Variants in NFIC observed in about 807,000 individuals in gnomAD.
NFIC encodes nuclear factor I C.
Under a neutral mutation model 54.4 loss-of-function variants are expected in NFIC, and 12 were observed. The observed-to-expected ratio is 0.22, with a 90% confidence interval of 0.14 to 0.36. NFIC has a LOEUF of 0.36. Among genes scored for constraint, NFIC ranks in the 10% least tolerant of loss-of-function variants. The pLI is 1.00. For missense variants in NFIC, 575 were observed against 718.2 expected (o/e 0.80, Z 2.28); for synonymous variants, 322 against 319.2 (o/e 1.01, Z -0.09).
chr19:3,450,883 A>G (rs1301513832), intron 7 of NFIC, among the ~76,000 whole-genome samples: 3 of 152,168 alleles, frequency 2.0e-5, no homozygotes, highest in Non-Finnish European at 2.9e-5. Flanking sequence ...GTTCTTACGA[A>G]TAAAGTTTTA....
intron 2 of NFIC, among the ~76,000 whole-genome samples, chr19:3,402,341 C>A (rs1005430047): frequency 6.6e-6 from 1 of 152,244 alleles, no homozygotes. Flanking sequence ...GGAGCCACTG[C>A]GCCCAGACGG....
At chr19:3,382,371 G>A in intron 2 of NFIC, 128 bp downstream of exon 2, 1 of 1,349,646 alleles carries the variant, frequency 7.4e-7, no homozygotes, top group Non-Finnish European at 1.0e-6. Flanking sequence ...GAGAGGGGAA[G>A]TGGGCCTTGG....
At position 3,464,457 on chromosome 19, in the gene NFIC, A is replaced by C; in HGVS notation, c.*1688A>C. The C allele has an allele frequency of 1.0e-6, 1 of 973,872 alleles. No individual in the cohort carries two copies. The highest frequency in any genetic ancestry group is 1.2e-6 in the Non-Finnish European group (1 of 827,640). The allele number at this position is 973,872 out of a possible 1,614,324, so 60.3% of individuals were successfully genotyped here. ...CCCCCACCCCAGGATCGCCATCTTT[A>C]GGGGAGGCCTGGGAGGGGGTGTTAG... On this transcript the variant is annotated 3_prime_UTR_variant, in exon 11 of 11. Coordinates refer to ENST00000443272, the MANE Select transcript of NFIC (RefSeq NM_001245002.2).
At chr19:3,359,640 C>G, upstream of NFIC, 3 of 1,348,444 alleles carry the variant, frequency 2.2e-6, no homozygotes, top group Non-Finnish European at 2.9e-6. Flanking sequence ...GGGGACCGAG[C>G]GCGCTCGCTC....
At chr19:3,405,680 A>G (rs565070880) in intron 2 of NFIC, among the ~76,000 whole-genome samples, 1 of 151,178 alleles carries the variant, frequency 6.6e-6, no homozygotes, top group Non-Finnish European at 1.5e-5. Flanking sequence ...GCTCACTGCA[A>G]CCTCCACCTC....
At chr19:3,414,585 A>G (rs2081819684) in intron 2 of NFIC, among the ~76,000 whole-genome samples, 4 of 147,208 alleles carry the variant, frequency 2.7e-5, no homozygotes, top group Admixed American at 2.2e-4. Flanking sequence ...ACGGGGCGAG[A>G]CTGCATCTAA....
chr19:3,438,382 A>G (rs1011562247), intron 6 of NFIC, among the ~76,000 whole-genome samples: 7 of 148,522 alleles, frequency 4.7e-5, no homozygotes, highest in African/African-American at 1.7e-4. Context: ...TGCAGCTTCC[A>G]CTTGATTACC....
chr19:3,377,005 C>T (rs1022638484), intron 1 of NFIC, among the ~76,000 whole-genome samples: 11 of 150,814 alleles, frequency 7.3e-5, no homozygotes, highest in Non-Finnish European at 1.5e-4. Flanking sequence ...GCTGGGATTA[C>T]AGGCGTGAGC....
At chr19:3,366,403 G>C, upstream of NFIC, 1 of 469,184 alleles carries the variant, frequency 2.1e-6, no homozygotes, top group Non-Finnish European at 3.8e-6. Flanking sequence ...AGAGACGGGG[G>C]AGAGAGGAAG....
intron 6 of NFIC, among the ~76,000 whole-genome samples, chr19:3,437,649 G>GA (rs954270994): frequency 1.3e-5 from 1 of 79,626 alleles, no homozygotes; most frequent in African/African-American, 3.9e-5. Context: ...AAAAAAAAAA[G>GA]AAAAAAAAAG....
chr19:3,407,230 C>T (rs940864435), intron 2 of NFIC, among the ~76,000 whole-genome samples: 47 of 151,846 alleles, frequency 3.1e-4, no homozygotes, highest in Admixed American at 1.0e-3. Flanking sequence ...TCTCCTGCCT[C>T]AGCCTCCCGA....
At position 3,457,190 on chromosome 19, in the gene NFIC, G is replaced by A. The variant is rs960014955; in HGVS notation, c.1509+555G>A. 6.6e-5 allele frequency among the ~76,000 whole-genome samples: 10 copies of A among 152,178 alleles called. 1 individual carries two copies. The highest frequency in any genetic ancestry group is 6.2e-4 in the South Asian group (3 of 4,832). The stretch of plus-strand genomic sequence containing the variant: ...TGAGGAGTCAGGGCGGAGAGGCTTC[G>A]TCAGCAGGACAGACAGGATGGGGCA... On this transcript the variant is annotated intron_variant, in intron 10 of 10. Transcript: ENST00000443272.
chr19:3,371,942 TCCCTCCC>T (rs1568400147), intron 1 of NFIC, among the ~76,000 whole-genome samples: 5 of 115,728 alleles, frequency 4.3e-5, no homozygotes, highest in Admixed American at 1.7e-4. Context: ...CTTCCTTCCC[TCCCTCCC>T]TCCCTCCTTC....
intron 1 of NFIC, among the ~76,000 whole-genome samples, chr19:3,377,960 GC>G (rs2081136979): frequency 1.3e-5 from 2 of 151,842 alleles, no homozygotes; most frequent in South Asian, 4.2e-4. Flanking sequence ...ATAGGGTTTT[GC>G]CTGCCGGCCA....
Position 3,431,018 on chromosome 19 carries a change from T to C in NFIC, c.635-2500T>C, listed in dbSNP as rs567231063. On this transcript the variant is annotated intron_variant, in intron 3 of 10. Coordinates refer to ENST00000443272, the MANE Select transcript of NFIC (RefSeq NM_001245002.2). ...TTTGTCTCTGGTGTCCCTCACTGAA[T>C]GATGTCCTCAAGGTGCATCCATGTT... Among the ~76,000 whole-genome samples, 29 of 152,112 alleles carry C rather than the reference T, an allele frequency of 1.9e-4. 1 individual carries two copies. The East Asian group carries it at 5.6e-3, about 29-fold the overall frequency.
Position 3,458,499 on chromosome 19 carries a change from C to T in NFIC, c.1509+1864C>T, listed in dbSNP as rs1473974236. 6.6e-6 allele frequency among the ~76,000 whole-genome samples: 1 copy of T among 152,180 alleles called. No homozygotes were observed. Among genetic ancestry groups the T allele is most frequent in the East Asian group, 1.9e-4 (1 of 5,198 alleles). On this transcript the variant is annotated intron_variant, in intron 10 of 10. Transcript: ENST00000443272. The surrounding 1 kb of genome is among the most constrained non-coding windows in gnomAD (Gnocchi z 4.1). ...TCAGACTGTGCTGGCTCCAGCCCCACCCCACCCAAGCCTGGGAGGGAAGGG... is the reference window on the plus strand; with the variant it reads ...TCAGACTGTGCTGGCTCCAGCCCCATCCCACCCAAGCCTGGGAGGGAAGGG...
upstream of NFIC, among the ~76,000 whole-genome samples, chr19:3,365,203 C>T (rs1018991787): frequency 2.3e-4 from 35 of 152,292 alleles, no homozygotes; most frequent in African/African-American, 8.4e-4. Context: ...GTATCTTCTG[C>T]GCCCCTGGGC....
In NFIC at chr19:3,433,562, A is replaced by G. The variant is rs1408730771; in HGVS notation, c.679A>G (p.Ser227Gly). The G allele has an allele frequency of 2.5e-6, 4 of 1,613,874 alleles. No homozygotes were observed. Among genetic ancestry groups the G allele is most frequent in the East Asian group, 4.5e-5 (2 of 44,884 alleles). Reference protein sequence around the residue: ...QESFVTSGVFSVTELIQVSRT... With the variant: ...QESFVTSGVFGVTELIQVSRT... Reference sequence around the variant, plus strand: ...GAGCTTTGTCACCTCCGGCGTGTTCAGCGTCACTGAGCTCATCCAAGTGTC... The same window carrying G: ...GAGCTTTGTCACCTCCGGCGTGTTCGGCGTCACTGAGCTCATCCAAGTGTC... Residue 227 changes from serine (S) to glycine (G), a missense_variant, in exon 4 of 11, where the codon AGC becomes GGC. By Grantham distance (56) the Ser-to-Gly change is moderately conservative. Coordinates refer to ENST00000443272, the MANE Select transcript of NFIC (RefSeq NM_001245002.2).
chr19:3,434,522 A>G (rs1284764366), intron 5 of NFIC, 122 bp downstream of exon 5: 2 of 1,382,582 alleles, frequency 1.4e-6, no homozygotes, highest in Non-Finnish European at 1.9e-6. Context: ...ACCTGGCCTG[A>G]GAAACTCCTA....
Sources: allele counts gnomAD v4.1 joint callset (sites outside exome capture counted in the v4.1 genomes callset), GRCh38; gene constraint gnomAD v4.1.1; non-coding constraint Gnocchi (gnomAD v3.1); transcripts MANE v1.5; gene names NCBI Gene and HGNC (gene_info 2026-07-23, HGNC 2026-07-21).